The following SHISA9 variants were observed in gnomAD, a reference collection of about 807,000 sequenced individuals.
SHISA9 encodes the protein shisa family member 9.
Under a neutral mutation model 38.0 loss-of-function variants are expected in SHISA9, and 13 were observed. The observed-to-expected ratio is 0.34, with a 90% CI of 0.22 to 0.54. The LOEUF is 0.54. SHISA9 is among the 20% of genes least tolerant of loss of function. The probability of loss-of-function intolerance (pLI) is 0.91; values close to 1 mark genes in which losing one functional copy is unlikely to be tolerated. For synonymous variants in SHISA9, 275 were observed against 242.0 expected, an observed-to-expected ratio of 1.14 and a Z score of -1.27; for missense variants, 538 against 575.8, an observed-to-expected ratio of 0.93 and a Z score of 0.67.
At chr16:13,114,763 G>T (rs2074014341) in intron 2 of SHISA9, among the ~76,000 whole-genome samples, 1 of 151,768 alleles carries the variant, frequency 6.6e-6, no homozygotes, top group Admixed American at 6.6e-5. Context: ...AGATTTATGT[G>T]TCCATAATCT....
At chr16:13,115,147 G>A (rs2074019363) in intron 2 of SHISA9, among the ~76,000 whole-genome samples, 2 of 152,102 alleles carry the variant, frequency 1.3e-5, no homozygotes, top group Admixed American at 6.5e-5. Flanking sequence ...TTTCTTGCCT[G>A]ATTCCTTAGC....
the SHISA9 span, among the ~76,000 whole-genome samples, chr16:13,495,234 G>A: frequency 6.6e-6 from 1 of 152,176 alleles, no homozygotes; most frequent in African/African-American, 2.4e-5. Context: ...TGTAAAAATT[G>A]GTGAAAACTG....
the SHISA9 span, among the ~76,000 whole-genome samples, chr16:13,539,080 A>T: frequency 5.3e-5 from 8 of 151,792 alleles, no homozygotes; most frequent in Non-Finnish European, 1.2e-4. Flanking sequence ...CATCATGATG[A>T]GGGTCAGAAG....
chr16:13,070,478 G>T (rs2073500598), intron 2 of SHISA9, among the ~76,000 whole-genome samples: 1 of 152,182 alleles, frequency 6.6e-6, no homozygotes, highest in Non-Finnish European at 1.5e-5. Flanking sequence ...CTTTGGGGGA[G>T]GGACATTCTC....
chr16:13,261,310 A>T, the SHISA9 span, among the ~76,000 whole-genome samples: 2 of 152,300 alleles, frequency 1.3e-5, no homozygotes, highest in East Asian at 1.9e-4. Flanking sequence ...TTTATAGATG[A>T]TAATGATAAT....
the SHISA9 span, chr16:13,246,273 T>C: frequency 6.6e-6 from 1 of 152,202 alleles, no homozygotes; most frequent in African/African-American, 2.4e-5. Flanking sequence ...CAAGATCTGA[T>C]GGTTTTATAA....
the SHISA9 span, among the ~76,000 whole-genome samples, chr16:13,496,683 T>C: frequency 3.8e-4 from 57 of 151,936 alleles, no homozygotes; most frequent in African/African-American, 1.4e-3. Context: ...AGGTGATGAG[T>C]TACAAAATCA....
At chr16:13,287,162 G>A in the SHISA9 span, among the ~76,000 whole-genome samples, 2 of 152,118 alleles carry the variant, frequency 1.3e-5, no homozygotes, top group African/African-American at 4.8e-5. Flanking sequence ...TTAATAACAT[G>A]ATCTACGCTA....
the SHISA9 span, among the ~76,000 whole-genome samples, chr16:13,303,652 A>T: frequency 6.6e-6 from 1 of 152,202 alleles, no homozygotes; most frequent in Admixed American, 6.5e-5. Flanking sequence ...GATGATGAAA[A>T]CGTTTTAGAA....
chr16:13,443,272 A>T, the SHISA9 span, among the ~76,000 whole-genome samples: 1 of 152,350 alleles, frequency 6.6e-6, no homozygotes, highest in African/African-American at 2.4e-5. Context: ...AGAAATTCTA[A>T]CTAATCTTCG....
At chr16:13,256,897 A>T in the SHISA9 span, among the ~76,000 whole-genome samples, 32 of 152,184 alleles carry the variant, frequency 2.1e-4, no homozygotes, top group Non-Finnish European at 3.8e-4. Context: ...GCAGCTGTTG[A>T]AATCAGTGAA....
At chr16:13,099,710 A>G (rs935067134) in intron 2 of SHISA9, among the ~76,000 whole-genome samples, 3 of 152,146 alleles carry the variant, frequency 2.0e-5, no homozygotes, top group African/African-American at 7.2e-5. Flanking sequence ...GAAGCAGGAG[A>G]TAAGAATCTT....
intron 2 of SHISA9, among the ~76,000 whole-genome samples, chr16:12,945,375 G>A (rs1168701085): frequency 6.6e-6 from 1 of 151,982 alleles, no homozygotes; most frequent in Admixed American, 6.6e-5. Context: ...GAATGGGAAT[G>A]GATATTTCGT....
the SHISA9 span, among the ~76,000 whole-genome samples, chr16:13,486,060 C>A: frequency 6.6e-6 from 1 of 152,194 alleles, no homozygotes; most frequent in African/African-American, 2.4e-5. Flanking sequence ...CAGAGGGTTA[C>A]CCTAGAGGCT....
the SHISA9 span, among the ~76,000 whole-genome samples, chr16:13,536,577 A>G: frequency 2.0e-5 from 3 of 152,264 alleles, no homozygotes; most frequent in African/African-American, 7.2e-5. Flanking sequence ...AAGGGCACCC[A>G]GCACTTCTCG....
chr16:12,909,065 G>T, intron 1 of SHISA9: 4 of 993,880 alleles, frequency 4.0e-6, no homozygotes, highest in Non-Finnish European at 4.8e-6. Context: ...TGCATTTGTG[G>T]TTATCCTAAG....
the SHISA9 span, among the ~76,000 whole-genome samples, chr16:13,383,524 G>A: frequency 1.3e-5 from 2 of 152,162 alleles, no homozygotes. Context: ...CCGAAAAGAT[G>A]AACAAGAAAC....
intron 2 of SHISA9, among the ~76,000 whole-genome samples, chr16:13,062,420 G>C (rs959613344): frequency 1.3e-5 from 2 of 152,156 alleles, no homozygotes; most frequent in Non-Finnish European, 1.5e-5. Context: ...GGACATTGCT[G>C]TGTGACCTAG....
the SHISA9 span, among the ~76,000 whole-genome samples, chr16:13,355,154 G>T: frequency 6.7e-6 from 1 of 150,112 alleles, no homozygotes; most frequent in African/African-American, 2.5e-5. Flanking sequence ...TGGTTGATAA[G>T]GCACAGATAC....
Sources: gnomAD v4.1 joint callset for allele counts (sites outside exome capture counted in the v4.1 genomes callset) on GRCh38, gnomAD v4.1.1 for gene constraint, MANE v1.5 for transcripts, NCBI Gene and HGNC (gene_info 2026-07-23, HGNC 2026-07-21) for gene names.